WWOX: variants seen among roughly 807,000 people sequenced by gnomAD.
WWOX encodes WW domain containing oxidoreductase.
WWOX carries 69 observed loss-of-function variants against 46.2 expected under a neutral mutation model. The ratio of observed to expected loss-of-function variants is 1.49; its 90% CI spans 1.23 to 1.82. The LOEUF is 1.82. Among genes scored for constraint, WWOX ranks in the 40% most tolerant of loss-of-function variants. The pLI, the probability that WWOX is intolerant of heterozygous loss-of-function variation, is 0.00. For missense variants in WWOX, 919 were observed against 542.6 expected, an observed-to-expected ratio of 1.69 and a Z score of -6.89; for synonymous variants, 359 against 202.6, an observed-to-expected ratio of 1.77 and a Z score of -6.56.
chr16:78,814,385 A>G (rs574845758), intron 8 of WWOX, among the ~76,000 whole-genome samples: 2 of 152,134 alleles, frequency 1.3e-5, no homozygotes, highest in Admixed American at 6.5e-5. Flanking sequence ...AAAAAATACT[A>G]TATGTTAAAA....
At chr16:78,611,531 C>G (rs1222066496) in intron 8 of WWOX, among the ~76,000 whole-genome samples, 5 of 152,186 alleles carry the variant, frequency 3.3e-5, no homozygotes, top group African/African-American at 7.2e-5. Context: ...ATGGGAGGTA[C>G]TGGCCAGCTC....
At chr16:79,153,924 CCAGG>C (rs2050330600) in intron 8 of WWOX, among the ~76,000 whole-genome samples, 1 of 151,372 alleles carries the variant, frequency 6.6e-6, no homozygotes, top group Non-Finnish European at 1.5e-5. Context: ...TGCTGTCAGG[CCAGG>C]CTGGACTGTC....
intron 5 of WWOX, among the ~76,000 whole-genome samples, chr16:78,195,194 T>C (rs71396163): frequency 0.13 from 19,162 of 152,144 alleles, 1,636 homozygotes; most frequent in African/African-American, 0.25. Context: ...TCTCAGTCTC[T>C]CATCTGGGAG....
chr16:78,841,868 G>C (rs182461849), intron 8 of WWOX, among the ~76,000 whole-genome samples: 3 of 152,250 alleles, frequency 2.0e-5, no homozygotes, highest in Non-Finnish European at 4.4e-5. Context: ...CTTGGTAAGG[G>C]GTTATACAAT....
chr16:78,188,035 C>G (rs776545941), intron 5 of WWOX, among the ~76,000 whole-genome samples: 2 of 152,142 alleles, frequency 1.3e-5, no homozygotes, highest in African/African-American at 4.8e-5. Flanking sequence ...GTTATGAGAA[C>G]TTGGGATTGT....
chr16:78,272,172 C>T (rs1345056321), intron 5 of WWOX, among the ~76,000 whole-genome samples: 1 of 152,190 alleles, frequency 6.6e-6, no homozygotes, highest in Non-Finnish European at 1.5e-5. Flanking sequence ...AGTGACTCTT[C>T]TGCCCCTTGT....
chr16:78,426,463 G>A (rs1167847369), intron 7 of WWOX, among the ~76,000 whole-genome samples: 6 of 152,154 alleles, frequency 3.9e-5, no homozygotes. Flanking sequence ...TAACTACGGT[G>A]TAATTCATGC....
At chr16:78,221,794 T>G (rs1470318260) in intron 5 of WWOX, among the ~76,000 whole-genome samples, 1 of 152,222 alleles carries the variant, frequency 6.6e-6, no homozygotes, top group African/African-American at 2.4e-5. Flanking sequence ...GTAATTTGTT[T>G]TTGACACATT....
intron 4 of WWOX, among the ~76,000 whole-genome samples, chr16:78,122,979 C>T (rs2033171253): frequency 6.6e-6 from 1 of 152,112 alleles, no homozygotes. Flanking sequence ...CTAGAGGGCT[C>T]TGTTGCCCTT....
chr16:78,724,888 T>A (rs531901814), intron 8 of WWOX, among the ~76,000 whole-genome samples: 2 of 152,316 alleles, frequency 1.3e-5, no homozygotes, highest in Admixed American at 1.3e-4. Flanking sequence ...GCTTTGTTTT[T>A]CCTTGCATCT....
chr16:78,249,594 G>T (rs2037924874), intron 5 of WWOX, among the ~76,000 whole-genome samples: 1 of 152,224 alleles, frequency 6.6e-6, no homozygotes, highest in Non-Finnish European at 1.5e-5. Context: ...TCAGCATGCA[G>T]GTGAGAAGGC....
At chr16:78,395,729 A>G (rs1884599927) in intron 6 of WWOX, among the ~76,000 whole-genome samples, 1 of 151,314 alleles carries the variant, frequency 6.6e-6, no homozygotes, top group African/African-American at 2.4e-5. Flanking sequence ...TTATTACTCT[A>G]CTGAGTATGG....
chr16:78,732,388 G>C (rs1349202375), intron 8 of WWOX, among the ~76,000 whole-genome samples: 3 of 152,114 alleles, frequency 2.0e-5, no homozygotes, highest in Non-Finnish European at 4.4e-5. Context: ...GAGAGGAATT[G>C]AGGCCGCCAG....
intron 8 of WWOX, among the ~76,000 whole-genome samples, chr16:78,777,163 GTTCAATGGCTGTAT>G (rs57310089): frequency 0.4 from 60,412 of 151,106 alleles, 12,597 homozygotes; most frequent in Middle Eastern, 0.53. Flanking sequence ...ACATGCCATT[GTTCAATGGCTGTAT>G]TTCAATGGCT....
chr16:78,130,591 AG>A (rs1460257055), intron 4 of WWOX, among the ~76,000 whole-genome samples: 2 of 152,198 alleles, frequency 1.3e-5, no homozygotes, highest in Non-Finnish European at 2.9e-5. Flanking sequence ...CCCTGTAGGC[AG>A]GCACAGGCTA....
intron 4 of WWOX, among the ~76,000 whole-genome samples, chr16:78,144,506 T>C (rs867512472): frequency 0.024 from 757 of 31,230 alleles, 140 homozygotes; most frequent in African/African-American, 0.051. Context: ...CACACATATA[T>C]ATATATATAT....
At chr16:79,017,300 G>A (rs1016215172) in intron 8 of WWOX, 1 of 151,458 alleles carries the variant, frequency 6.6e-6, no homozygotes, top group Non-Finnish European at 1.5e-5. Flanking sequence ...CATGGTGGTG[G>A]GCACCTGTAG....
intron 8 of WWOX, among the ~76,000 whole-genome samples, chr16:78,830,541 C>A (rs546418458): frequency 1.6e-3 from 245 of 152,142 alleles, no homozygotes; most frequent in African/African-American, 5.4e-3. Context: ...TCCTTCCTCC[C>A]AGCAGATTCC....
At chr16:78,867,527 G>A (rs1278283841) in intron 8 of WWOX, among the ~76,000 whole-genome samples, 2 of 150,052 alleles carry the variant, frequency 1.3e-5, no homozygotes, top group African/African-American at 4.9e-5. Context: ...TGTGTGTTTT[G>A]TTTTTTTGTG....
Sources: allele counts gnomAD v4.1 joint callset (sites outside exome capture counted in the v4.1 genomes callset), GRCh38; gene constraint gnomAD v4.1.1; transcripts MANE v1.5; gene names NCBI Gene and HGNC (gene_info 2026-07-23, HGNC 2026-07-21).